The following PSKH2 variants were observed in gnomAD, a reference collection of about 807,000 sequenced individuals.
PSKH2 encodes the protein protein serine kinase H2, also known as serine/threonine-protein kinase H2.
Under a neutral mutation model 22.5 loss-of-function variants are expected in PSKH2, and 16 were observed. That is an observed-to-expected ratio of 0.71 (90% CI 0.48 to 1.08). PSKH2 has a LOEUF of 1.08. PSKH2 is among the 50% of genes least tolerant of loss of function. The pLI, the probability that PSKH2 is intolerant of heterozygous loss-of-function variation, is 0.00. For missense variants in PSKH2, 516 were observed against 492.8 expected, an observed-to-expected ratio of 1.05 and a Z score of -0.44; for synonymous variants, 188 against 184.8, an observed-to-expected ratio of 1.02 and a Z score of -0.14.
At chr8:86,065,249 T>C (rs1050590428) in intron 1 of PSKH2, among the ~76,000 whole-genome samples, 1 of 152,146 alleles carries the variant, frequency 6.6e-6, no homozygotes, top group East Asian at 1.9e-4. Context: ...GAATAAACAG[T>C]ATGTTTCTTT....
intron 2 of PSKH2, among the ~76,000 whole-genome samples, chr8:86,050,830 T>C (rs893997807): frequency 6.6e-6 from 1 of 152,244 alleles, no homozygotes; most frequent in African/African-American, 2.4e-5. Context: ...TGTGTAACGA[T>C]AAAGCAGAGT....
Position 86,048,027 on chromosome 8 carries a change from G to A in PSKH2, c.*435C>T, listed in dbSNP as rs954272813. On this transcript the variant is annotated 3_prime_UTR_variant, in exon 3 of 3. Coordinates refer to ENST00000276616, the MANE Select transcript of PSKH2 (RefSeq NM_033126.3). The stretch of plus-strand genomic sequence containing the variant: ...ATTAACAGACATTTATAACTACTTC[G>A]AGTGTTACCTAGTTAACACTGTATA... Among the ~76,000 whole-genome samples the A allele has an allele frequency of 1.3e-5, 2 of 151,916 alleles. No homozygotes were observed. Among genetic ancestry groups the A allele is most frequent in the Non-Finnish European group, 2.9e-5 (2 of 67,970 alleles).
Position 86,064,266 on chromosome 8 carries a change from A to G in PSKH2, c.551T>C (p.Leu184Pro). ...ATAGTATAAGAGGTTTTCAGGCTTT[A>G]GATTCCTATGAGTTATCTGCAGCGC... ...LHALQITHRN[L>P]KPENLLYYHP... Residue 184 changes from leucine to proline, a missense_variant, in exon 2 of 3, where the codon CTA (leucine) becomes CCA (proline). Physicochemically the swap from Leu to Pro is moderately conservative, Grantham distance 98. Transcript: ENST00000276616. The G allele has an allele frequency of 6.2e-7, 1 of 1,614,164 alleles. No individual in the cohort carries two copies. The highest frequency in any genetic ancestry group is 8.5e-7 in the Non-Finnish European group (1 of 1,180,022).
rs1817565850 is a variant in PSKH2 at position 86,048,639 on chromosome 8, A to C, written c.981T>G (p.Ser327=). 6.2e-7 allele frequency: 1 copy of C among 1,614,044 alleles called. No individual in the cohort carries two copies. Among genetic ancestry groups the C allele is most frequent in the African/African-American group, 1.3e-5 (1 of 74,928 alleles). ...TGGCCCTCTGGAGATTCTTCATGGA[A>C]GACCCTGCAGCCATGGTGATCACCC... ...HPWVITMAAG[S]SMKNLQRAIS... is the part of the protein sequence containing the mutation. Residue 327 remains serine (S), a synonymous_variant, in exon 3 of 3, where the codon TCT becomes TCG. Transcript: ENST00000276616.
At chr8:86,058,136 G>A (rs1387050533) in intron 2 of PSKH2, among the ~76,000 whole-genome samples, 1 of 152,174 alleles carries the variant, frequency 6.6e-6, no homozygotes, top group Non-Finnish European at 1.5e-5. Context: ...CATTGTGATG[G>A]CACTGGCAAT....
At chr8:86,063,871 C>A (rs1299385286) in intron 2 of PSKH2, 94 bp downstream of exon 2, 3 of 1,004,524 alleles carry the variant, frequency 3.0e-6, no homozygotes, top group East Asian at 2.5e-5. Context: ...ACAGGACAAC[C>A]CCAAAAATCA....
chr8:86,049,446 C>T lies in PSKH2; in HGVS notation c.853-679G>A, dbSNP rs535802836. ...CAGTGGCACATGTCTGTAATCCCAA[C>T]TACTCAGGAAGCTGAGGTGGGAGGA... On this transcript the variant is annotated intron_variant, in intron 2 of 2. Coordinates refer to ENST00000276616, the MANE Select transcript of PSKH2 (RefSeq NM_033126.3). 4.8e-4 allele frequency among the ~76,000 whole-genome samples: 73 copies of T among 152,064 alleles called. No homozygotes were observed. The South Asian group carries it at 0.013, about 27-fold the overall frequency.
chr8:86,063,252 A>G (rs530806364), intron 2 of PSKH2, among the ~76,000 whole-genome samples: 2 of 152,338 alleles, frequency 1.3e-5, no homozygotes, highest in African/African-American at 4.8e-5. Flanking sequence ...GGTATAAGCA[A>G]ATATCAATGT....
At chr8:86,052,860 CT>C (rs1817652777) in intron 2 of PSKH2, among the ~76,000 whole-genome samples, 1 of 152,244 alleles carries the variant, frequency 6.6e-6, no homozygotes, top group African/African-American at 2.4e-5. Context: ...CCTTTTTCCC[CT>C]TTTCTTCTTT....
intron 2 of PSKH2, among the ~76,000 whole-genome samples, chr8:86,054,779 G>C (rs1303340287): frequency 6.6e-6 from 1 of 152,114 alleles, no homozygotes; most frequent in African/African-American, 2.4e-5. Flanking sequence ...GGCTCATAAA[G>C]AGTTTATTTT....
intron 2 of PSKH2, among the ~76,000 whole-genome samples, chr8:86,052,795 G>GA (rs1181033495): frequency 2.0e-5 from 3 of 152,146 alleles, no homozygotes; most frequent in Non-Finnish European, 4.4e-5. Context: ...TTTATCCCAA[G>GA]ATCATTAAAT....
rs1817823907 is a variant in PSKH2, at chr8:86,064,328, G to C, written c.489C>G (p.Ile163Met). The C allele has an allele frequency of 6.2e-7, 1 of 1,613,992 alleles. No homozygotes were observed. The highest frequency in any genetic ancestry group is 1.7e-5 in the Admixed American group (1 of 59,998). The part of the protein sequence containing the change: ...GSFTERDAVR[I>M]LQMVADGIRY... The stretch of plus-strand genomic sequence containing the variant: ...TAATCCCATCAGCAACCATCTGGAG[G>C]ATCCTGACGGCATCCCGCTCTGTAA... The change falls in exon 2 of 3, where the codon ATC becomes ATG. Residue 163 changes from isoleucine (I) to methionine (M), a missense_variant. Transcript: ENST00000276616.
In PSKH2 at chr8:86,069,563, C is replaced by G. The variant is rs372807401; in HGVS notation, c.60G>C (p.Lys20Asn). 3.3e-5 allele frequency: 53 copies of G among 1,607,534 alleles called. No individual in the cohort carries two copies. In the South Asian group the frequency reaches 3.8e-4, roughly 11 times the overall value. The stretch of plus-strand genomic sequence containing the variant: ...CGCCGGCTTGGTTTTGACCTTCGTG[C>G]TTGGCCCAAGCCAGCGCTGGTGGCC... ...VPGPPALAWA[K>N]HEGQNQAGVG... Residue 20 changes from lysine (K) to asparagine (N), a missense_variant, in exon 1 of 3, where the codon AAG becomes AAC. By Grantham distance (94) the Lys-to-Asn change is moderately conservative (BLOSUM62 0). Coordinates refer to ENST00000276616, the MANE Select transcript of PSKH2 (RefSeq NM_033126.3).
At chr8:86,056,386 A>T (rs1481886528) in intron 2 of PSKH2, among the ~76,000 whole-genome samples, 2 of 152,182 alleles carry the variant, frequency 1.3e-5, no homozygotes, top group African/African-American at 2.4e-5. Flanking sequence ...AAATCAATGC[A>T]TTGCTCACCA....
At chr8:86,050,359 C>T (rs1486833029) in intron 2 of PSKH2, among the ~76,000 whole-genome samples, 1 of 152,174 alleles carries the variant, frequency 6.6e-6, no homozygotes, top group Non-Finnish European at 1.5e-5. Flanking sequence ...GGGCTCTACG[C>T]TATCTAACAC....
At position 86,064,589 on chromosome 8, in the gene PSKH2, C is replaced by A. The variant is rs781702758; in HGVS notation, c.228G>T (p.Arg76Ser). ...TGGTCTTCTGCTCTACCCTGACAAC[C>A]CTGCTGAAACTGCCTGTCCCAATAA... is the stretch of plus-strand genomic sequence containing the variant. ...KALIGTGSFS[R>S]VVRVEQKTTK... Residue 76 changes from arginine (R) to serine (S), a missense_variant, in exon 2 of 3, where the codon AGG becomes AGT. Physicochemically the swap from Arg to Ser is moderately radical, Grantham distance 110. Coordinates refer to ENST00000276616, the MANE Select transcript of PSKH2 (RefSeq NM_033126.3). 1.1e-5 allele frequency: 17 copies of A among 1,613,788 alleles called. No homozygotes were observed. The Admixed American group carries it at 1.7e-4, about 16-fold the overall frequency.
At chr8:86,055,276 A>T (rs2130150205) in intron 2 of PSKH2, among the ~76,000 whole-genome samples, 1 of 152,302 alleles carries the variant, frequency 6.6e-6, no homozygotes, top group South Asian at 2.1e-4. Flanking sequence ...CAGATAGCAT[A>T]GCTACGTTTA....
chr8:86,060,854 G>C (rs1033157371), intron 2 of PSKH2, among the ~76,000 whole-genome samples: 7 of 152,054 alleles, frequency 4.6e-5, no homozygotes, highest in Admixed American at 1.3e-4. Context: ...AGAAACAGAG[G>C]GTGCCTTGCA....
At chr8:86,068,797 C>T (rs1035070151) in intron 1 of PSKH2, among the ~76,000 whole-genome samples, 2 of 152,124 alleles carry the variant, frequency 1.3e-5, no homozygotes, top group Non-Finnish European at 2.9e-5. Flanking sequence ...CGTCTTCCAC[C>T]GCAGATGCTG....
Sources: gnomAD v4.1 joint callset for allele counts (sites outside exome capture counted in the v4.1 genomes callset) on GRCh38, gnomAD v4.1.1 for gene constraint, MANE v1.5 for transcripts, NCBI Gene and HGNC (gene_info 2026-07-23, HGNC 2026-07-21) for gene names.